Variants in MTUS2 observed in about 807,000 individuals in gnomAD.
The protein encoded by MTUS2 is microtubule-associated tumor suppressor candidate 2.
A neutral mutation model predicts 114.1 loss-of-function variants in MTUS2; 40 were observed. The observed-to-expected ratio is 0.35, with a 90% confidence interval of 0.27 to 0.46. MTUS2 has a LOEUF of 0.46. Ranked by LOEUF, MTUS2 falls within the 20% of genes least tolerant of loss-of-function variation. The pLI, the probability that MTUS2 is intolerant of heterozygous loss-of-function variation, is 1.00. For synonymous variants in MTUS2, 688 were observed against 672.0 expected, an observed-to-expected ratio of 1.02 and a Z score of -0.37; for missense variants, 1,679 against 1,705.4, an observed-to-expected ratio of 0.98 and a Z score of 0.27.
chr13:29,419,887 C>CA (rs1347913840), intron 8 of MTUS2, among the ~76,000 whole-genome samples: 1 of 152,124 alleles, frequency 6.6e-6, no homozygotes, highest in African/African-American at 2.4e-5. Context: ...ATTAATTAAA[C>CA]AAAAAATTGA....
At chr13:29,329,894 G>A (rs138762852) in intron 7 of MTUS2, among the ~76,000 whole-genome samples, 1,673 of 152,240 alleles carry the variant, frequency 0.011, 26 homozygotes, top group African/African-American at 0.037. Flanking sequence ...GATTACAGGC[G>A]TGAGCCACTG....
At chr13:28,978,023 T>TA (rs1884193622) in intron 2 of MTUS2, among the ~76,000 whole-genome samples, 1 of 152,158 alleles carries the variant, frequency 6.6e-6, no homozygotes, top group African/African-American at 2.4e-5. Flanking sequence ...GACTTATAAT[T>TA]ACAGTACTGC....
chr13:29,134,786 G>A (rs1456446469), intron 5 of MTUS2, among the ~76,000 whole-genome samples: 1 of 152,102 alleles, frequency 6.6e-6, no homozygotes, highest in Non-Finnish European at 1.5e-5. Flanking sequence ...TAGTAGAGAC[G>A]GGGTTTCACC....
intron 7 of MTUS2, among the ~76,000 whole-genome samples, chr13:29,332,299 T>G (rs1900819393): frequency 6.6e-6 from 1 of 150,766 alleles, no homozygotes; most frequent in Non-Finnish European, 1.5e-5. Context: ...AGGGTGTATG[T>G]GCCCAGGAAT....
At chr13:29,032,062 T>G (rs1210705052) in intron 3 of MTUS2, among the ~76,000 whole-genome samples, 2 of 152,170 alleles carry the variant, frequency 1.3e-5, no homozygotes, top group East Asian at 3.9e-4. Flanking sequence ...TTCCAAACGT[T>G]GTTTTATGAC....
chr13:29,042,459 G>A (rs2479766), intron 4 of MTUS2, among the ~76,000 whole-genome samples: 147,664 of 152,216 alleles, frequency 0.97, 71,652 homozygotes, highest in South Asian at 0.98. Flanking sequence ...TGGTTTTAGT[G>A]TTAGGGTGAT....
rs372314475 is a variant in MTUS2, at chr13:28,901,202, C to A, written c.-243+61352C>A. On this transcript the variant is annotated intron_variant, in intron 2 of 15. Coordinates refer to ENST00000612955, the MANE Select transcript of MTUS2 (RefSeq NM_001033602.4). Reference sequence around the variant, plus strand: ...GAAGAGTCTATTCATGTCTTTTGCTCATTAAAAAAAAATTTTTTAAGTCTT... The same window carrying A: ...GAAGAGTCTATTCATGTCTTTTGCTAATTAAAAAAAAATTTTTTAAGTCTT... Among the ~76,000 whole-genome samples, 38 of 152,112 alleles carry A rather than the reference C, an allele frequency of 2.5e-4. No homozygotes were observed. In the East Asian group the frequency reaches 5.4e-3, roughly 22 times the overall value.
chr13:29,118,161 T>G (rs934533666), intron 5 of MTUS2, among the ~76,000 whole-genome samples: 3 of 152,072 alleles, frequency 2.0e-5, no homozygotes, highest in African/African-American at 7.2e-5. Flanking sequence ...TGTGTATCTC[T>G]TGGGCTGTCT....
intron 2 of MTUS2, among the ~76,000 whole-genome samples, chr13:28,931,550 C>T (rs1881617162): frequency 6.6e-6 from 1 of 152,166 alleles, no homozygotes; most frequent in Non-Finnish European, 1.5e-5. Flanking sequence ...GTCCTGAGGC[C>T]TCTCTAGCTG....
intron 5 of MTUS2, among the ~76,000 whole-genome samples, chr13:29,184,682 C>T (rs4769687): frequency 0.57 from 86,041 of 151,986 alleles, 24,530 homozygotes; most frequent in Admixed American, 0.57. Flanking sequence ...TGGGCACAGA[C>T]GTTAGTGGCA....
chr13:28,901,724 A>G (rs755836923), intron 2 of MTUS2, among the ~76,000 whole-genome samples: 8 of 152,272 alleles, frequency 5.3e-5, no homozygotes, highest in East Asian at 1.9e-4. Flanking sequence ...CTGTGTGTCT[A>G]TGCCTCTACC....
chr13:29,471,742 G>GCCCCCCCCCCCCCC (rs559849711), intron 9 of MTUS2, among the ~76,000 whole-genome samples: 3 of 131,596 alleles, frequency 2.3e-5, no homozygotes, highest in East Asian at 2.1e-4. Flanking sequence ...TGCAGGCCCA[G>GCCCCCCCCCCCCCC]CCCCCCCCGA....
chr13:28,855,291 C>T (rs1168188992), intron 2 of MTUS2, among the ~76,000 whole-genome samples: 1 of 151,974 alleles, frequency 6.6e-6, no homozygotes, highest in African/African-American at 2.4e-5. Context: ...TTCCAGGATA[C>T]ATGTGCAGGA....
intron 5 of MTUS2, among the ~76,000 whole-genome samples, chr13:29,218,139 A>C (rs113423591): frequency 0.011 from 1,651 of 151,402 alleles, 38 homozygotes; most frequent in African/African-American, 0.037. Flanking sequence ...CCAAACCAAA[A>C]CAAAACAAAA....
At chr13:29,387,876 C>G (rs548874709) in intron 8 of MTUS2, among the ~76,000 whole-genome samples, 5 of 152,222 alleles carry the variant, frequency 3.3e-5, no homozygotes, top group African/African-American at 1.2e-4. Flanking sequence ...CATGTTACAA[C>G]CATGTTAGAC....
chr13:29,019,304 C>T (rs562227855), intron 2 of MTUS2, among the ~76,000 whole-genome samples: 3 of 152,034 alleles, frequency 2.0e-5, no homozygotes, highest in African/African-American at 4.8e-5. Flanking sequence ...CTTTTGGCAC[C>T]GGGGGCTGCT....
At chr13:29,470,209 A>G (rs1001395298) in intron 9 of MTUS2, among the ~76,000 whole-genome samples, 6 of 152,120 alleles carry the variant, frequency 3.9e-5, no homozygotes, top group Non-Finnish European at 5.9e-5. Flanking sequence ...GCTTTTAATA[A>G]CTCAGTACTG....
At chr13:29,307,650 C>A in intron 6 of MTUS2, 2 of 1,137,166 alleles carry the variant, frequency 1.8e-6, no homozygotes, top group Non-Finnish European at 1.3e-6. Flanking sequence ...GCGACACCCA[C>A]TCTTCCACCT....
chr13:28,846,054 AAAT>A (rs1291944907), intron 2 of MTUS2, among the ~76,000 whole-genome samples: 89 of 94,778 alleles, frequency 9.4e-4, no homozygotes, highest in African/African-American at 3.2e-3. Flanking sequence ...CTTAAAAAAA[AAAT>A]ATATATATAT....
Sources: gnomAD v4.1 joint callset for allele counts (sites outside exome capture counted in the v4.1 genomes callset) on GRCh38, gnomAD v4.1.1 for gene constraint, MANE v1.5 for transcripts, NCBI Gene and HGNC (gene_info 2026-07-23, HGNC 2026-07-21) for gene names.